The following TMEM156 variants were observed in gnomAD, a reference collection of about 807,000 sequenced individuals.
TMEM156 encodes transmembrane protein 156.
TMEM156 carries 28 observed loss-of-function variants against 30.5 expected under a neutral mutation model. The ratio of observed to expected loss-of-function variants is 0.92; its 90% CI spans 0.68 to 1.26. The LOEUF (loss-of-function observed/expected upper bound fraction) is 1.26, where lower values mean the gene tolerates loss of function less well. TMEM156 is among the 50% of genes most tolerant of loss of function. The probability of loss-of-function intolerance (pLI) is 0.00; values close to 1 mark genes in which losing one functional copy is unlikely to be tolerated. For synonymous variants in TMEM156, 137 were observed against 119.9 expected, an observed-to-expected ratio of 1.14 and a Z score of -0.93; for missense variants, 351 against 340.6, an observed-to-expected ratio of 1.03 and a Z score of -0.24.
intron 1 of TMEM156, among the ~76,000 whole-genome samples, chr4:39,031,808 G>A (rs1029308757): frequency 1.4e-5 from 2 of 147,252 alleles, no homozygotes; most frequent in Non-Finnish European, 3.0e-5. Flanking sequence ...GCTTGAATCC[G>A]GCAGGCAGAG....
chr4:39,003,375 C>A (rs1713511886), intron 1 of TMEM156, among the ~76,000 whole-genome samples: 3 of 151,948 alleles, frequency 2.0e-5, no homozygotes, highest in Admixed American at 1.3e-4. Context: ...GCTCTTGTTG[C>A]CTAGGCTGGA....
chr4:39,024,332 G>A (rs1560387276), intron 1 of TMEM156, among the ~76,000 whole-genome samples: 1 of 151,958 alleles, frequency 6.6e-6, no homozygotes, highest in Non-Finnish European at 1.5e-5. Flanking sequence ...ACCATGCCCA[G>A]CCGAGCCAGA....
chr4:39,002,957 G>A (rs954709434), intron 1 of TMEM156, among the ~76,000 whole-genome samples: 9 of 151,780 alleles, frequency 5.9e-5, no homozygotes, highest in East Asian at 1.9e-4. Flanking sequence ...TGGGTGCAGC[G>A]CACCAGCATG....
chr4:39,015,612 T>C (rs1254341384), intron 1 of TMEM156, among the ~76,000 whole-genome samples: 1 of 152,226 alleles, frequency 6.6e-6, no homozygotes, highest in Non-Finnish European at 1.5e-5. Context: ...ACCTATACTG[T>C]GAGACAATAC....
At chr4:38,992,864 C>G (rs948155282) in intron 3 of TMEM156, among the ~76,000 whole-genome samples, 2 of 149,782 alleles carry the variant, frequency 1.3e-5, no homozygotes, top group African/African-American at 4.9e-5. Context: ...CGGATTCAAG[C>G]GATTCTCCTG....
intron 3 of TMEM156, among the ~76,000 whole-genome samples, chr4:38,990,830 G>GTTTTTTTTTT (rs71304784): frequency 2.5e-5 from 2 of 81,210 alleles, no homozygotes; most frequent in African/African-American, 4.6e-5. Context: ...TTGTTTTCTG[G>GTTTTTTTTTT]TTTTTTTTTT....
intron 5 of TMEM156, among the ~76,000 whole-genome samples, chr4:38,971,825 T>C (rs938444881): frequency 9.9e-5 from 15 of 152,102 alleles, no homozygotes; most frequent in African/African-American, 3.4e-4. Context: ...GTTTCGCTCT[T>C]GTTGCCCAGC....
rs1349463845 is a variant in TMEM156, at chr4:38,974,054, AGTGCGT to A, written c.824-2923_824-2918del. On this transcript the variant is annotated intron_variant, in intron 5 of 6. Transcript: ENST00000381938. ...GAATAGGCCCCCTTGATCAGGAAGG[AGTGCGT>A]GTGTGTGTGTGTGTGTGTGTGTGTA... Among the ~76,000 whole-genome samples, 11 of 87,860 alleles carry A rather than the reference AGTGCGT, an allele frequency of 1.3e-4. No homozygotes were observed. The East Asian group carries it at 3.2e-3, about 26-fold the overall frequency. The allele number at this position is 87,860 out of a possible 152,430, so 57.6% of individuals were successfully genotyped here. A position where few individuals can be genotyped will look rare whatever the true frequency, so the allele number is the denominator to read the frequency against.
chr4:38,969,990 T>G (rs1722520450), intron 6 of TMEM156, among the ~76,000 whole-genome samples: 1 of 152,240 alleles, frequency 6.6e-6, no homozygotes, highest in African/African-American at 2.4e-5. Flanking sequence ...TACTGTTTTC[T>G]GTAGTGGCTA....
intron 1 of TMEM156, among the ~76,000 whole-genome samples, chr4:39,011,590 A>G (rs776336673): frequency 1.2e-4 from 18 of 152,166 alleles, no homozygotes; most frequent in Non-Finnish European, 2.4e-4. Flanking sequence ...TCTGGCCAAG[A>G]TGGTGAAACC....
At chr4:39,022,751 C>T (rs529629573) in intron 1 of TMEM156, among the ~76,000 whole-genome samples, 63 of 152,240 alleles carry the variant, frequency 4.1e-4, no homozygotes, top group Non-Finnish European at 8.7e-4. Context: ...AGTAGGCACA[C>T]CAGAGGCTAC....
intron 1 of TMEM156, among the ~76,000 whole-genome samples, chr4:39,021,241 A>G (rs1714845781): frequency 6.6e-6 from 1 of 152,034 alleles, no homozygotes. Flanking sequence ...CGTCTCTACA[A>G]AAAAAATTTA....
intron 3 of TMEM156, among the ~76,000 whole-genome samples, chr4:38,989,246 G>C (rs1712240877): frequency 6.6e-6 from 1 of 152,188 alleles, no homozygotes; most frequent in Admixed American, 6.5e-5. Context: ...GCTGATATTA[G>C]TTTCACTATC....
intron 1 of TMEM156, among the ~76,000 whole-genome samples, chr4:39,021,486 A>C (rs1202782004): frequency 3.3e-5 from 5 of 152,176 alleles, no homozygotes; most frequent in Non-Finnish European, 7.4e-5. Flanking sequence ...TCCTTTGCCC[A>C]TTTTTAAATC....
intron 4 of TMEM156, 59 bp downstream of exon 4, chr4:38,988,792 G>A: frequency 1.2e-6 from 2 of 1,601,224 alleles, no homozygotes; most frequent in Non-Finnish European, 1.7e-6. Flanking sequence ...GTACTAAAAA[G>A]GAAATGAAAT....
intron 1 of TMEM156, among the ~76,000 whole-genome samples, chr4:39,023,414 C>T (rs1339895592): frequency 6.6e-6 from 1 of 152,154 alleles, no homozygotes; most frequent in Admixed American, 6.6e-5. Context: ...TTTATAATAG[C>T]CCAAACTTGA....
At chr4:38,996,843 C>T (rs139854776) in intron 2 of TMEM156, among the ~76,000 whole-genome samples, 47 of 152,122 alleles carry the variant, frequency 3.1e-4, no homozygotes, top group African/African-American at 1.0e-3. Flanking sequence ...AGAATAGAAA[C>T]AACGTCAATG....
At chr4:38,970,755 G>A (rs1005249828) in intron 6 of TMEM156, among the ~76,000 whole-genome samples, 11 of 151,916 alleles carry the variant, frequency 7.2e-5, no homozygotes, top group East Asian at 1.9e-4. Flanking sequence ...GCTCAACTCC[G>A]GAAAAACAGG....
At chr4:38,992,299 C>A (rs974551402) in intron 3 of TMEM156, among the ~76,000 whole-genome samples, 5 of 151,836 alleles carry the variant, frequency 3.3e-5, no homozygotes, top group African/African-American at 1.2e-4. Flanking sequence ...TTCATGACCC[C>A]AACACCTGAC....
Sources: gnomAD v4.1 joint callset for allele counts (sites outside exome capture counted in the v4.1 genomes callset) on GRCh38, gnomAD v4.1.1 for gene constraint, MANE v1.5 for transcripts, NCBI Gene and HGNC (gene_info 2026-07-23, HGNC 2026-07-21) for gene names.